DPP6: variants seen among roughly 807,000 people sequenced by gnomAD.
DPP6 encodes the protein A-type potassium channel modulatory protein DPP6.
A neutral mutation model predicts 122.6 loss-of-function variants in DPP6; 69 were observed. The observed-to-expected ratio is 0.56, with a 90% CI of 0.46 to 0.69. DPP6 has a LOEUF of 0.69. Ranked by LOEUF, DPP6 falls within the 30% of genes least tolerant of loss-of-function variation. The pLI is 0.00. For synonymous variants in DPP6, 418 were observed against 433.1 expected (o/e 0.97, Z 0.43); for missense variants, 928 against 1,116.9 (o/e 0.83, Z 2.41).
chr7:153,819,120 C>CAGGTTTGTTATAT, the DPP6 span, among the ~76,000 whole-genome samples: 1 of 109,974 alleles, frequency 9.1e-6, no homozygotes, highest in African/African-American at 3.6e-5. Context: ...GGTGCATGTG[C>CAGGTTTGTTATAT]AGGTTTGTTA....
At position 154,079,250 on chromosome 7, in the gene DPP6, A is replaced by G. The variant is rs372505290; in HGVS notation, c.243+26187A>G. Reference sequence around the variant, plus strand: ...ACAACTCCGTTTCCACTCCCATAAAATGCTACGTTAGCTGTTTTGAGGGTA... The same window carrying G: ...ACAACTCCGTTTCCACTCCCATAAAGTGCTACGTTAGCTGTTTTGAGGGTA... On this transcript the variant is annotated intron_variant, in intron 1 of 25. Transcript: ENST00000377770. Among the ~76,000 whole-genome samples, 43 of 152,264 alleles carry G rather than the reference A, an allele frequency of 2.8e-4. No homozygotes were observed. The South Asian group carries it at 8.1e-3, about 29-fold the overall frequency.
intron 17 of DPP6, chr7:154,858,237 A>C (rs1387074519): frequency 6.6e-6 from 1 of 152,290 alleles, no homozygotes; most frequent in Non-Finnish European, 1.5e-5. Flanking sequence ...CCTGTGAGGC[A>C]GGAACTGCTA....
At chr7:154,626,422 C>T (rs1242546125) in intron 5 of DPP6, among the ~76,000 whole-genome samples, 2 of 152,168 alleles carry the variant, frequency 1.3e-5, no homozygotes, top group Non-Finnish European at 2.9e-5. Context: ...TTTTAATCAT[C>T]TTGTTATACT....
intron 1 of DPP6, among the ~76,000 whole-genome samples, chr7:153,906,623 G>T (rs183552423): frequency 2.0e-5 from 3 of 152,206 alleles, no homozygotes; most frequent in Admixed American, 1.3e-4. Flanking sequence ...GTTAATTTTT[G>T]TATTTTTTTG....
chr7:153,898,470 T>C (rs1348262605), intron 1 of DPP6, among the ~76,000 whole-genome samples: 1 of 151,968 alleles, frequency 6.6e-6, no homozygotes, highest in Non-Finnish European at 1.5e-5. Context: ...TAATAATAAT[T>C]AGAAGAGAAG....
At chr7:154,295,805 C>T (rs1263704573) in intron 1 of DPP6, among the ~76,000 whole-genome samples, 1 of 152,056 alleles carries the variant, frequency 6.6e-6, no homozygotes, top group African/African-American at 2.4e-5. Context: ...TACATGGATG[C>T]CTTATGTGTT....
At chr7:153,869,627 A>T in the DPP6 span, among the ~76,000 whole-genome samples, 2 of 152,304 alleles carry the variant, frequency 1.3e-5, no homozygotes, top group South Asian at 4.1e-4. Context: ...GTGTCTTTTA[A>T]TCGGAGCATT....
chr7:154,047,326 T>G (rs1800069174), intron 1 of DPP6, among the ~76,000 whole-genome samples: 2 of 146,996 alleles, frequency 1.4e-5, no homozygotes, highest in Non-Finnish European at 1.5e-5. Flanking sequence ...CCTATCACTT[T>G]AACATTGAAG....
intron 1 of DPP6, among the ~76,000 whole-genome samples, chr7:154,018,029 C>A (rs958297858): frequency 6.6e-6 from 1 of 152,192 alleles, no homozygotes; most frequent in African/African-American, 2.4e-5. Flanking sequence ...AACACCTGAT[C>A]TGTATGGCCC....
chr7:153,871,258 G>C, the DPP6 span, among the ~76,000 whole-genome samples: 1 of 152,256 alleles, frequency 6.6e-6, no homozygotes, highest in East Asian at 1.9e-4. Flanking sequence ...GGTGGAGCCT[G>C]TAGAGGCAGG....
chr7:154,314,748 C>G (rs1807281168), intron 1 of DPP6, among the ~76,000 whole-genome samples: 1 of 152,138 alleles, frequency 6.6e-6, no homozygotes, highest in African/African-American at 2.4e-5. Context: ...ACAACTCCCT[C>G]CTTTTTTTTT....
Position 153,980,854 on chromosome 7 carries a change from G to A in DPP6, c.51+93120G>A, listed in dbSNP as rs1465146551. 2.0e-5 allele frequency among the ~76,000 whole-genome samples: 3 copies of A among 152,190 alleles called. No homozygotes were observed. The East Asian group carries it at 5.8e-4, about 29-fold the overall frequency. ...TGTTCAGTTTCCATGTAGTTGTGCA[G>A]TTTTGAGTGAGTGTCTTAATCCTGA... On this transcript the variant is annotated intron_variant, in intron 1 of 25. Transcript: ENST00000404039.
At chr7:154,560,804 A>G (rs1451979196) in intron 4 of DPP6, among the ~76,000 whole-genome samples, 1 of 151,422 alleles carries the variant, frequency 6.6e-6, no homozygotes, top group Non-Finnish European at 1.5e-5. Flanking sequence ...AATCGCTTGA[A>G]CCCAGGATGC....
At chr7:154,794,983 C>T (rs1797951399) in intron 11 of DPP6, among the ~76,000 whole-genome samples, 1 of 152,160 alleles carries the variant, frequency 6.6e-6, no homozygotes, top group African/African-American at 2.4e-5. Flanking sequence ...CCTAACACGA[C>T]AGCTGTGCCT....
intron 1 of DPP6, among the ~76,000 whole-genome samples, chr7:153,974,018 A>G (rs748799990): frequency 2.0e-5 from 3 of 151,966 alleles, no homozygotes; most frequent in Non-Finnish European, 4.4e-5. Context: ...ACCACAGACA[A>G]GGTGCTCAGA....
At position 154,623,637 on chromosome 7, in the gene DPP6, A is replaced by G. The variant is rs539704996; in HGVS notation, c.628-14184A>G. On this transcript the variant is annotated intron_variant, in intron 5 of 25. Coordinates refer to ENST00000377770, the MANE Select transcript of DPP6 (RefSeq NM_130797.4). ...CACGTACACGCGCACACATGCGTGC[A>G]CACACGCGCACACACGCGCACACAC... 3.4e-4 allele frequency among the ~76,000 whole-genome samples: 49 copies of G among 145,876 alleles called. 1 individual carries two copies. In the South Asian group the frequency reaches 9.4e-3, roughly 28 times the overall value.
Position 154,301,942 on chromosome 7 carries a change from C to T in DPP6, c.244-144272C>T, listed in dbSNP as rs538677468. On this transcript the variant is annotated intron_variant, in intron 1 of 25. Transcript: ENST00000377770. ...AAGTGATCCTCCTGCCTCAGCCTCC[C>T]GAGCAGCTAGGACTACAGGAGCGTG... Among the ~76,000 whole-genome samples the T allele has an allele frequency of 5.4e-4, 82 of 151,974 alleles. 1 individual carries two copies. The highest frequency in any genetic ancestry group is 4.2e-4 in the South Asian group (2 of 4,798).
chr7:154,310,994 G>A (rs929845179), intron 1 of DPP6, among the ~76,000 whole-genome samples: 1 of 152,174 alleles, frequency 6.6e-6, no homozygotes, highest in Non-Finnish European at 1.5e-5. Context: ...TCTAAAACCT[G>A]AGGAAGAGTA....
chr7:154,648,546 G>A (rs993519640), intron 6 of DPP6, among the ~76,000 whole-genome samples: 2 of 152,208 alleles, frequency 1.3e-5, no homozygotes, highest in African/African-American at 4.8e-5. Context: ...TGTCTGGATA[G>A]TGGTGGGAAG....
Sources: allele counts gnomAD v4.1 joint callset (sites outside exome capture counted in the v4.1 genomes callset), GRCh38; gene constraint gnomAD v4.1.1; transcripts MANE v1.5; gene names NCBI Gene and HGNC (gene_info 2026-07-23, HGNC 2026-07-21).